Variants in HUWE1 observed in about 807,000 individuals in gnomAD.
HUWE1 encodes the protein E3 ubiquitin-protein ligase HUWE1.
In HUWE1, 18 loss-of-function variants were observed where a neutral mutation model predicts 299.4. The ratio of observed to expected loss-of-function variants is 0.06; its 90% CI spans 0.04 to 0.09. The LOEUF (loss-of-function observed/expected upper bound fraction) is 0.09, where lower values mean the gene tolerates loss of function less well. Ranked by LOEUF, HUWE1 falls within the 10% of genes least tolerant of loss-of-function variation. The probability of loss-of-function intolerance (pLI) is 1.00; values close to 1 mark genes in which losing one functional copy is unlikely to be tolerated. For missense variants in HUWE1, 1,832 were observed against 3,462.3 expected (o/e 0.53, Z 11.82); for synonymous variants, 1,317 against 1,286.1 (o/e 1.02, Z -0.51).
intron 48 of HUWE1, among the ~76,000 whole-genome samples, chrX:53,569,179 A>G (rs1400424689): frequency 9.0e-6 from 1 of 111,351 alleles, no homozygotes; most frequent in Non-Finnish European, 1.9e-5. Context: ...GGAGCGTGCC[A>G]CTACGCCCAG....
intron 7 of HUWE1, among the ~76,000 whole-genome samples, chrX:53,639,251 T>C (rs1293961673): frequency 1.8e-5 from 2 of 112,047 alleles, no homozygotes; most frequent in Non-Finnish European, 3.8e-5. Flanking sequence ...TCAAAATCAT[T>C]ACTGATCAGT....
chrX:53,547,162 C>G (rs949023666), intron 68 of HUWE1, among the ~76,000 whole-genome samples: 2 of 111,774 alleles, frequency 1.8e-5, no homozygotes, highest in African/African-American at 6.5e-5. Flanking sequence ...CCATCATGGC[C>G]CACTCTATTC....
intron 2 of HUWE1, chrX:53,684,129 A>G (rs1471075842): frequency 4.0e-6 from 1 of 252,979 alleles, no homozygotes; most frequent in Non-Finnish European, 7.1e-6. Flanking sequence ...GCGAAGCGAA[A>G]AGCAAATGAC....
Position 53,568,794 on chromosome X carries a change from G to C in HUWE1, c.6605C>G (p.Ala2202Gly), listed in dbSNP as rs1556947995. 1.7e-6 allele frequency: 2 copies of C among 1,207,138 alleles called. No homozygotes were observed. The highest frequency in any genetic ancestry group is 5.9e-5 in the East Asian group (2 of 33,748). ...STSSFYSSATAKTQHNGMNNI... is the reference protein window; with the variant it reads ...STSSFYSSATGKTQHNGMNNI... ...GTTCATGCCATTGTGCTGGGTCTTC[G>C]CTGTGGCACTGCTGTAGAAGCTGGA... The change falls in exon 49 of 84, where the codon GCG (alanine) becomes GGG (glycine). Residue 2202 changes from alanine (A) to glycine (G), a missense_variant. Ala to Gly is a moderately conservative substitution (Grantham distance 60). Coordinates refer to ENST00000262854, the MANE Select transcript of HUWE1 (RefSeq NM_031407.7).
intron 43 of HUWE1, 48 bp from the exon 44 acceptor site, chrX:53,577,115 TA>T: frequency 1.0e-6 from 1 of 968,116 alleles, no homozygotes; most frequent in Non-Finnish European, 1.5e-6. Context: ...AAGCAGTACC[TA>T]AACTAGGTTA....
chrX:53,551,983 G>A (rs1301755563), intron 63 of HUWE1, among the ~76,000 whole-genome samples: 3 of 111,678 alleles, frequency 2.7e-5, no homozygotes, highest in Non-Finnish European at 5.6e-5. Context: ...TAGACTGCAT[G>A]CACTGTTACT....
intron 19 of HUWE1, among the ~76,000 whole-genome samples, chrX:53,621,168 T>A (rs1056567271): frequency 1.8e-5 from 2 of 111,428 alleles, no homozygotes; most frequent in Non-Finnish European, 3.8e-5. Flanking sequence ...ATGCCTGTGA[T>A]TCCCATAATA....
At chrX:53,612,783 T>TG (rs2065564026) in intron 23 of HUWE1, among the ~76,000 whole-genome samples, 1 of 110,573 alleles carries the variant, frequency 9.0e-6, no homozygotes, top group East Asian at 2.8e-4. Flanking sequence ...TAAAAGGAGG[T>TG]GATGTGGGAA....
chrX:53,550,083 G>C (rs1404167704), intron 66 of HUWE1, among the ~76,000 whole-genome samples: 1 of 111,051 alleles, frequency 9.0e-6, no homozygotes, highest in African/African-American at 3.3e-5. Flanking sequence ...TGATAAACAA[G>C]AGGCTCAAAC....
intron 66 of HUWE1, 70 bp from the exon 67 acceptor site, chrX:53,549,575 G>A (rs1257267737): frequency 2.3e-5 from 22 of 943,402 alleles, no homozygotes; most frequent in Non-Finnish European, 3.3e-5. Context: ...ATAAGAATGG[G>A]GGAGGGGAAT....
At position 53,585,064 on chromosome X, in the gene HUWE1, C is replaced by T. The variant is rs1556971994; in HGVS notation, c.4949G>A (p.Arg1650Gln). The T allele has an allele frequency of 8.3e-7, 1 of 1,211,761 alleles. No individual in the cohort carries two copies. The highest frequency in any genetic ancestry group is 2.2e-5 in the Admixed American group (1 of 46,067). Residue 1650 changes from arginine (R) to glutamine (Q), a missense_variant, in exon 40 of 84, where the codon CGA becomes CAA. Arg to Gln is a conservative substitution (Grantham distance 43, BLOSUM62 1). Coordinates refer to ENST00000262854, the MANE Select transcript of HUWE1 (RefSeq NM_031407.7). ...SAWKSGETSV[R>Q]FTAGRRRYTV... ...GTATCTTCTTCGGCCTGCAGTGAAT[C>T]GCACGCTTGTCTCTCCAGATTTCCA...
At position 53,645,306 on chromosome X, in the gene HUWE1, C is replaced by T. The variant is rs376896097; in HGVS notation, c.504+5G>A. ...CACCCCTCCAACTCTTCACCCAAGA[C>T]TCACCTCTGCCAAATGTTGTAGCCG... is the stretch of plus-strand genomic sequence containing the variant. On this transcript the variant is annotated splice_donor_5th_base_variant and intron_variant, in intron 7 of 83. Transcript: ENST00000262854. 248 of 1,208,913 alleles carry T rather than the reference C, an allele frequency of 2.1e-4. No individual in the cohort carries two copies. The highest frequency in any genetic ancestry group is 2.6e-4 in the Non-Finnish European group (234 of 894,875).
intron 2 of HUWE1, among the ~76,000 whole-genome samples, chrX:53,682,089 TCTTA>T (rs782432679): frequency 5.4e-5 from 6 of 112,145 alleles, no homozygotes; most frequent in Non-Finnish European, 1.1e-4. Context: ...AACAAAAATC[TCTTA>T]CTCTTTCCCA....
At chrX:53,573,604 G>A (rs1186694804) in intron 47 of HUWE1, 146 bp downstream of exon 47, 5 of 518,466 alleles carry the variant, frequency 9.6e-6, no homozygotes, top group East Asian at 3.6e-5. Flanking sequence ...CACCGCACCC[G>A]GCCTTGCATG....
chrX:53,535,922 G>GTTTTTTTTTTTTTTTT (rs34675759), intron 80 of HUWE1: 1 of 131,334 alleles, frequency 7.6e-6, no homozygotes, highest in Non-Finnish European at 1.3e-5. Context: ...ATGTACTGGA[G>GTTTTTTTTTTTTTTTT]TTTTTTTTTT....
intron 3 of HUWE1, among the ~76,000 whole-genome samples, chrX:53,668,133 A>G (rs782787283): frequency 9.0e-6 from 1 of 110,832 alleles, no homozygotes; most frequent in African/African-American, 3.3e-5. Context: ...CAGAGAAACA[A>G]GCAGCATCTC....
chrX:53,636,631 A>G (rs2067231614), intron 7 of HUWE1, among the ~76,000 whole-genome samples: 1 of 111,818 alleles, frequency 8.9e-6, no homozygotes, highest in Non-Finnish European at 1.9e-5. Context: ...CTGAGGTGGG[A>G]GGATGGCCTG....
chrX:53,556,495 C>T (rs1442855430), intron 60 of HUWE1, among the ~76,000 whole-genome samples: 17 of 111,777 alleles, frequency 1.5e-4, no homozygotes, highest in Non-Finnish European at 2.8e-4. Flanking sequence ...AACTCAAGTG[C>T]GAAAGGAGAC....
chrX:53,593,869 C>T (rs1031042026), intron 31 of HUWE1, among the ~76,000 whole-genome samples: 18 of 111,761 alleles, frequency 1.6e-4, no homozygotes, highest in African/African-American at 4.6e-4. Context: ...GAGGCTGAGG[C>T]GGGTGGATCA....
Sources: gnomAD v4.1 joint callset for allele counts (sites outside exome capture counted in the v4.1 genomes callset) on GRCh38, gnomAD v4.1.1 for gene constraint, MANE v1.5 for transcripts, NCBI Gene and HGNC (gene_info 2026-07-23, HGNC 2026-07-21) for gene names.